Variants in PDZRN4 observed in about 807,000 individuals in gnomAD.
PDZRN4 encodes PDZ domain-containing RING finger protein 4.
In PDZRN4, 70 loss-of-function variants were observed where a neutral mutation model predicts 99.0. The ratio of observed to expected loss-of-function variants is 0.71; its 90% CI spans 0.58 to 0.86. The LOEUF (loss-of-function observed/expected upper bound fraction) is 0.86, where lower values mean the gene tolerates loss of function less well. Ranked by LOEUF, PDZRN4 falls within the 40% of genes least tolerant of loss-of-function variation. The pLI, the probability that PDZRN4 is intolerant of heterozygous loss-of-function variation, is 0.00. For missense variants in PDZRN4, 1,474 were observed against 1,331.2 expected (o/e 1.11, Z -1.67); for synonymous variants, 551 against 501.6 (o/e 1.10, Z -1.32).
At chr12:41,270,323 T>C (rs1334139616) in intron 3 of PDZRN4, among the ~76,000 whole-genome samples, 1 of 132,754 alleles carries the variant, frequency 7.5e-6, no homozygotes, top group Non-Finnish European at 1.7e-5. Flanking sequence ...TGTGTGTGTG[T>C]GTCTGTGTGT....
chr12:41,382,889 T>G (rs933447843), intron 3 of PDZRN4, among the ~76,000 whole-genome samples: 15 of 152,206 alleles, frequency 9.9e-5, no homozygotes, highest in Non-Finnish European at 1.5e-4. Flanking sequence ...TATACTGATA[T>G]AGAATAAAGC....
chr12:41,237,516 A>G (rs1951075246), intron 3 of PDZRN4, among the ~76,000 whole-genome samples: 1 of 151,922 alleles, frequency 6.6e-6, no homozygotes, highest in South Asian at 2.1e-4. Context: ...TTAATACTTT[A>G]ACATTTTTGT....
intron 3 of PDZRN4, among the ~76,000 whole-genome samples, chr12:41,269,994 T>C (rs1165004224): frequency 6.6e-6 from 1 of 152,184 alleles, no homozygotes; most frequent in Non-Finnish European, 1.5e-5. Context: ...TTTTGCTTTG[T>C]CTGTCTCTCT....
chr12:41,306,958 C>A (rs1367163954), intron 3 of PDZRN4, among the ~76,000 whole-genome samples: 1 of 152,288 alleles, frequency 6.6e-6, no homozygotes. Flanking sequence ...TTCATATTCT[C>A]TAACAGATGA....
At chr12:41,459,055 A>G (rs1299590786) in intron 3 of PDZRN4, among the ~76,000 whole-genome samples, 1 of 138,394 alleles carries the variant, frequency 7.2e-6, no homozygotes, top group Non-Finnish European at 1.6e-5. Context: ...CAGAGTTCAA[A>G]GGATTTGTAG....
At chr12:41,324,642 T>G (rs1184230350) in intron 3 of PDZRN4, among the ~76,000 whole-genome samples, 2 of 152,062 alleles carry the variant, frequency 1.3e-5, no homozygotes, top group African/African-American at 2.4e-5. Context: ...TAAATCCAGA[T>G]AGGTATTAGG....
rs1454349713 is a variant in PDZRN4, at chr12:41,291,451, C to T, written c.843+97263C>T. Among the ~76,000 whole-genome samples the T allele has an allele frequency of 2.6e-5, 4 of 152,156 alleles. No homozygotes were observed. In the South Asian group the frequency reaches 6.2e-4, roughly 24 times the overall value. ...AAACTTCTATATATACTTAAACTCT[C>T]TGAATCTGTTTTATTATCGGCAAAT... On this transcript the variant is annotated intron_variant, in intron 3 of 9. Transcript: ENST00000402685.
At chr12:41,343,313 T>G (rs1167418163) in intron 3 of PDZRN4, among the ~76,000 whole-genome samples, 3 of 152,028 alleles carry the variant, frequency 2.0e-5, no homozygotes, top group Non-Finnish European at 4.4e-5. Flanking sequence ...CATTTTTAAT[T>G]GAGCTTACTT....
chr12:41,227,857 A>C (rs1951004378), intron 3 of PDZRN4, among the ~76,000 whole-genome samples: 1 of 140,460 alleles, frequency 7.1e-6, no homozygotes, highest in African/African-American at 2.7e-5. Context: ...GTCGTGTCTT[A>C]AGAAAACAAG....
At chr12:41,291,197 T>C (rs1951454706) in intron 3 of PDZRN4, among the ~76,000 whole-genome samples, 1 of 152,136 alleles carries the variant, frequency 6.6e-6, no homozygotes, top group Non-Finnish European at 1.5e-5. Context: ...TCTAGGAACA[T>C]TATGATCACT....
chr12:41,254,875 C>A (rs1408890588), intron 3 of PDZRN4, among the ~76,000 whole-genome samples: 1 of 151,916 alleles, frequency 6.6e-6, no homozygotes, highest in Non-Finnish European at 1.5e-5. Context: ...CACTTAAGGC[C>A]AAGAGTTCTA....
At chr12:41,213,037 T>C (rs1950898006) in intron 3 of PDZRN4, among the ~76,000 whole-genome samples, 1 of 152,032 alleles carries the variant, frequency 6.6e-6, no homozygotes, top group South Asian at 2.1e-4. Flanking sequence ...TTAGCAGCCT[T>C]GTTGATCTGG....
At chr12:41,423,285 T>A (rs534789112) in intron 3 of PDZRN4, among the ~76,000 whole-genome samples, 2 of 152,166 alleles carry the variant, frequency 1.3e-5, no homozygotes, top group East Asian at 1.9e-4. Flanking sequence ...CCTAATGCTA[T>A]CCCTCCCCTA....
In PDZRN4 at chr12:41,573,884, T is replaced by C. The variant is rs1293912903; in HGVS notation, c.3105T>C (p.Thr1035=). The C allele has an allele frequency of 6.5e-7, 1 of 1,547,042 alleles. No individual in the cohort carries two copies. Among genetic ancestry groups the C allele is most frequent in the African/African-American group, 1.4e-5 (1 of 72,446 alleles). The change falls in exon 10 of 10, where the codon ACT becomes ACC. Residue 1035 remains threonine (T), a synonymous_variant. Coordinates refer to ENST00000402685, the MANE Select transcript of PDZRN4 (RefSeq NM_001164595.2). The part of the protein sequence containing the change: ...RVHNAFLSVT[T]V The stretch of plus-strand genomic sequence containing the variant: ...ATAATGCCTTCTTGTCGGTGACCAC[T>C]GTATGACCGAATGAATGGAATGCAT...
At chr12:41,498,953 G>C (rs1938060975) in intron 3 of PDZRN4, among the ~76,000 whole-genome samples, 2 of 152,014 alleles carry the variant, frequency 1.3e-5, no homozygotes, top group African/African-American at 2.4e-5. Flanking sequence ...TTCATGCTTA[G>C]GGTCCCAGAA....
chr12:41,414,091 AT>A (rs145755641), intron 3 of PDZRN4, among the ~76,000 whole-genome samples: 3,799 of 152,238 alleles, frequency 0.025, 161 homozygotes, highest in African/African-American at 0.088. Flanking sequence ...AGGGTATGAA[AT>A]TCTTGGTTAG....
intron 3 of PDZRN4, among the ~76,000 whole-genome samples, chr12:41,504,214 G>A (rs1285561366): frequency 6.6e-6 from 1 of 152,142 alleles, no homozygotes; most frequent in Non-Finnish European, 1.5e-5. Flanking sequence ...GTTATGGTGA[G>A]CTGAGATCAC....
chr12:41,188,764 C>CT lies in PDZRN4; in HGVS notation c.310dup (p.Cys104LeufsTer23), dbSNP rs1950711597. The stretch of plus-strand genomic sequence containing the variant: ...ACGAGCTGGAGGCGCACGTCGAGCA[C>CT]TGCGACTTCGGCCCTGCCCGCCGGC... On this transcript the variant is annotated frameshift_variant, in exon 1 of 10. Transcript: ENST00000402685. LOFTEE classifies it high-confidence loss of function. 4 of 1,447,204 alleles carry CT rather than the reference C, an allele frequency of 2.8e-6. No individual in the cohort carries two copies. The highest frequency in any genetic ancestry group is 3.6e-6 in the Non-Finnish European group (4 of 1,107,630). The allele number at this position is 1,447,204 out of a possible 1,614,324, so 89.6% of individuals were successfully genotyped here. A position where few individuals can be genotyped will look rare whatever the true frequency, so the allele number is the denominator to read the frequency against.
At chr12:41,513,952 G>T (rs1382373803) in intron 5 of PDZRN4, among the ~76,000 whole-genome samples, 3 of 152,184 alleles carry the variant, frequency 2.0e-5, no homozygotes, top group African/African-American at 7.2e-5. Flanking sequence ...CAACAGTTCT[G>T]TGCCTGCAGA....
Sources: allele counts gnomAD v4.1 joint callset (sites outside exome capture counted in the v4.1 genomes callset), GRCh38; gene constraint gnomAD v4.1.1; transcripts MANE v1.5; gene names NCBI Gene and HGNC (gene_info 2026-07-23, HGNC 2026-07-21).